The following SPATA6 variants were observed in gnomAD, a reference collection of about 807,000 sequenced individuals.
SPATA6 encodes the protein spermatogenesis-associated protein 6.
A neutral mutation model predicts 65.3 loss-of-function variants in SPATA6; 56 were observed. The ratio of observed to expected loss-of-function variants is 0.86; its 90% confidence interval spans 0.69 to 1.07. The LOEUF (loss-of-function observed/expected upper bound fraction) is 1.07, where lower values mean the gene tolerates loss of function less well. Among genes scored for constraint, SPATA6 ranks in the 50% least tolerant of loss-of-function variants. SPATA6 has a pLI of 0.00. For missense variants in SPATA6, 590 were observed against 594.8 expected (o/e 0.99, Z 0.08); for synonymous variants, 199 against 213.2 (o/e 0.93, Z 0.58).
the SPATA6 span, among the ~76,000 whole-genome samples, chr1:48,286,783 C>T: frequency 3.9e-5 from 6 of 152,004 alleles, no homozygotes; most frequent in African/African-American, 7.3e-5. Context: ...CATCTGTAAT[C>T]CCAGCACTTT....
At chr1:48,350,476 A>G (rs1646486237) in intron 11 of SPATA6, among the ~76,000 whole-genome samples, 1 of 151,710 alleles carries the variant, frequency 6.6e-6, no homozygotes, top group Non-Finnish European at 1.5e-5. Context: ...GCTATCATAT[A>G]AAAACTCATT....
chr1:48,363,664 T>C (rs187122437), intron 9 of SPATA6, among the ~76,000 whole-genome samples: 1 of 152,034 alleles, frequency 6.6e-6, no homozygotes, highest in African/African-American at 2.4e-5. Context: ...AATGCAATAC[T>C]TTCAATATGG....
the SPATA6 span, among the ~76,000 whole-genome samples, chr1:48,281,027 A>G: frequency 6.6e-6 from 1 of 152,194 alleles, no homozygotes; most frequent in Admixed American, 6.5e-5. Context: ...GGCTGGTTCA[A>G]TATACACAAA....
At chr1:48,343,050 T>C (rs963767371) in intron 11 of SPATA6, among the ~76,000 whole-genome samples, 3 of 152,152 alleles carry the variant, frequency 2.0e-5, no homozygotes, top group African/African-American at 7.2e-5. Context: ...CTAATAAACC[T>C]GATAACTTCA....
Position 48,472,054 on chromosome 1 carries a change from A to G in SPATA6, c.-46T>C, listed in dbSNP as rs1206367775. The G allele has an allele frequency of 4.0e-5, 43 of 1,085,884 alleles. 1 individual carries two copies. Among genetic ancestry groups the G allele is most frequent in the Non-Finnish European group, 5.0e-5 (41 of 817,330 alleles). 67.3% of individuals were successfully genotyped at this position (1,085,884 alleles called of 1,614,324 possible). On this transcript the variant is annotated 5_prime_UTR_variant, in exon 1 of 13. Transcript: ENST00000371847. ...GGGAGTGACCCCGGCCACGGGCCCG[A>G]GTGAGGCGGGGAGACCTGGGGCTGG...
At chr1:48,407,880 G>A (rs1651854332) in intron 5 of SPATA6, among the ~76,000 whole-genome samples, 1 of 152,072 alleles carries the variant, frequency 6.6e-6, no homozygotes, top group Non-Finnish European at 1.5e-5. Context: ...CCCTCTTAAT[G>A]TTCCATACTC....
At chr1:48,471,124 G>A (rs1658205737) in intron 1 of SPATA6, among the ~76,000 whole-genome samples, 1 of 152,196 alleles carries the variant, frequency 6.6e-6, no homozygotes, top group Admixed American at 6.5e-5. Context: ...AAGGGGAATA[G>A]AGTTTTCTCC....
chr1:48,307,759 T>G (rs1454023804), intron 11 of SPATA6, among the ~76,000 whole-genome samples: 2 of 151,850 alleles, frequency 1.3e-5, no homozygotes, highest in African/African-American at 4.8e-5. Flanking sequence ...CCTTATATTT[T>G]TGGGATCTCT....
In SPATA6 at chr1:48,402,471, A is replaced by G. The variant is rs930450563; in HGVS notation, c.486+1331T>C. ...CAGTGCACATCTCTAAAACAAGTCA[A>G]TAACATAGCTCTGCATTTGGCAAGC... On this transcript the variant is annotated intron_variant, in intron 6 of 12. Coordinates refer to ENST00000371847, the MANE Select transcript of SPATA6 (RefSeq NM_019073.4). Among the ~76,000 whole-genome samples the G allele has an allele frequency of 2.0e-5, 3 of 152,228 alleles. No individual in the cohort carries two copies. In the East Asian group the frequency reaches 5.8e-4, roughly 29 times the overall value.
chr1:48,363,183 AAACGAAAGGGTACGTCTCTTTG>A (rs1356799271), intron 9 of SPATA6, among the ~76,000 whole-genome samples: 35 of 152,234 alleles, frequency 2.3e-4, no homozygotes, highest in South Asian at 1.0e-3. Context: ...TTACGAGGTA[AAACGAAAGGGTACGTCTCTTTG>A]ATAAGAATCC....
intron 3 of SPATA6, among the ~76,000 whole-genome samples, chr1:48,428,759 C>CTGTATAGGTG (rs1475238737): frequency 1.6e-5 from 2 of 126,788 alleles, no homozygotes; most frequent in Non-Finnish European, 3.5e-5. Context: ...TCACGGTCAA[C>CTGTATAGGTG]TGTATAGGTG....
At chr1:48,331,187 C>T (rs1224530175) in intron 11 of SPATA6, among the ~76,000 whole-genome samples, 1 of 152,152 alleles carries the variant, frequency 6.6e-6, no homozygotes, top group Non-Finnish European at 1.5e-5. Flanking sequence ...TTTCTCCAAA[C>T]AACCACACTA....
At chr1:48,288,882 C>T in the SPATA6 span, among the ~76,000 whole-genome samples, 14 of 152,252 alleles carry the variant, frequency 9.2e-5, 1 homozygote, top group African/African-American at 2.9e-4. Context: ...TGCAGCTCAA[C>T]GAGGCCTGCC....
chr1:48,369,571 C>T (rs1224795887), intron 9 of SPATA6, among the ~76,000 whole-genome samples: 1 of 152,222 alleles, frequency 6.6e-6, no homozygotes. Flanking sequence ...GGCGTAGGAC[C>T]CTCCGAGCCA....
At chr1:48,282,524 G>A in the SPATA6 span, among the ~76,000 whole-genome samples, 3 of 152,128 alleles carry the variant, frequency 2.0e-5, no homozygotes, top group African/African-American at 7.2e-5. Flanking sequence ...AATGGGCAAA[G>A]GACATGAACA....
chr1:48,464,379 G>A (rs1051608645), intron 1 of SPATA6, among the ~76,000 whole-genome samples: 10 of 151,928 alleles, frequency 6.6e-5, no homozygotes, highest in Admixed American at 1.3e-4. Flanking sequence ...TTCAAACAAC[G>A]TCATTTTCCA....
At chr1:48,324,904 A>G (rs1645710632) in intron 11 of SPATA6, among the ~76,000 whole-genome samples, 1 of 152,178 alleles carries the variant, frequency 6.6e-6, no homozygotes, top group African/African-American at 2.4e-5. Flanking sequence ...AACAAGTCAA[A>G]TTATCTTTCC....
chr1:48,452,404 G>A (rs1374779611), intron 2 of SPATA6, among the ~76,000 whole-genome samples: 1 of 135,858 alleles, frequency 7.4e-6, no homozygotes, highest in Non-Finnish European at 1.5e-5. Flanking sequence ...TTTTTTTTTA[G>A]ATGGAGTCTT....
chr1:48,355,279 C>A (rs1042120760), intron 11 of SPATA6, among the ~76,000 whole-genome samples: 1 of 152,116 alleles, frequency 6.6e-6, no homozygotes, highest in Non-Finnish European at 1.5e-5. Flanking sequence ...AAAATACATA[C>A]CTCTCCTACC....
Sources: gnomAD v4.1 joint callset for allele counts (sites outside exome capture counted in the v4.1 genomes callset) on GRCh38, gnomAD v4.1.1 for gene constraint, MANE v1.5 for transcripts, NCBI Gene and HGNC (gene_info 2026-07-23, HGNC 2026-07-21) for gene names.